The following CACNA2D1 variants were observed in gnomAD, a reference collection of about 807,000 sequenced individuals.
The protein encoded by CACNA2D1 is voltage-dependent calcium channel subunit alpha-2/delta-1.
CACNA2D1 carries 53 observed loss-of-function variants against 171.5 expected under a neutral mutation model. The ratio of observed to expected loss-of-function variants is 0.31; its 90% CI spans 0.25 to 0.39. The LOEUF (loss-of-function observed/expected upper bound fraction) is 0.39, where lower values mean the gene tolerates loss of function less well. CACNA2D1 is among the 10% of genes least tolerant of loss of function. CACNA2D1 has a pLI of 1.00. For synonymous variants in CACNA2D1, 442 were observed against 443.1 expected, an observed-to-expected ratio of 1.00 and a Z score of 0.03; for missense variants, 903 against 1,299.8, an observed-to-expected ratio of 0.69 and a Z score of 4.69.
chr7:82,096,883 G>C (rs13236099), intron 6 of CACNA2D1, among the ~76,000 whole-genome samples: 54,239 of 151,696 alleles, frequency 0.36, 10,058 homozygotes, highest in East Asian at 0.4. Flanking sequence ...AATAAGTTGT[G>C]ATCACTATTT....
At chr7:82,157,868 A>G (rs1249958935) in intron 4 of CACNA2D1, among the ~76,000 whole-genome samples, 1 of 152,042 alleles carries the variant, frequency 6.6e-6, no homozygotes, top group Non-Finnish European at 1.5e-5. Context: ...GATAAAATGT[A>G]TTAGATTTCA....
chr7:81,963,076 G>A (rs1453703919), intron 34 of CACNA2D1, among the ~76,000 whole-genome samples: 2 of 151,910 alleles, frequency 1.3e-5, no homozygotes, highest in Non-Finnish European at 2.9e-5. Flanking sequence ...TTAAAAAAAA[G>A]TGGGGGTGGG....
intron 3 of CACNA2D1, among the ~76,000 whole-genome samples, chr7:82,230,883 C>T (rs1454742332): frequency 6.6e-6 from 1 of 152,162 alleles, no homozygotes; most frequent in Non-Finnish European, 1.5e-5. Flanking sequence ...AAGGCTTGAA[C>T]TAAGCATGAC....
intron 1 of CACNA2D1, among the ~76,000 whole-genome samples, chr7:82,368,321 G>A (rs1821984309): frequency 6.6e-6 from 1 of 152,186 alleles, no homozygotes; most frequent in African/African-American, 2.4e-5. Context: ...CAAATTGTGT[G>A]GAAATATGCA....
intron 4 of CACNA2D1, among the ~76,000 whole-genome samples, chr7:82,167,228 A>G (rs1203926646): frequency 6.6e-6 from 1 of 152,130 alleles, no homozygotes; most frequent in Non-Finnish European, 1.5e-5. Context: ...TTGAAAGATG[A>G]TAAAATTTAT....
At chr7:82,141,394 A>C (rs1247859805) in intron 4 of CACNA2D1, among the ~76,000 whole-genome samples, 3 of 152,172 alleles carry the variant, frequency 2.0e-5, no homozygotes, top group Non-Finnish European at 4.4e-5. Context: ...AATGAAGTTA[A>C]ATGCCTTAAG....
At chr7:82,053,283 T>C (rs980434870) in intron 10 of CACNA2D1, among the ~76,000 whole-genome samples, 2 of 150,974 alleles carry the variant, frequency 1.3e-5, no homozygotes, top group Non-Finnish European at 3.0e-5. Context: ...AATAATTACC[T>C]ATCAATTATG....
intron 24 of CACNA2D1, among the ~76,000 whole-genome samples, chr7:81,980,412 A>G (rs1488479497): frequency 6.6e-6 from 1 of 152,084 alleles, no homozygotes; most frequent in Non-Finnish European, 1.5e-5. Context: ...ACAAAAATTT[A>G]TGTTTAAAAT....
At chr7:82,382,449 G>T (rs2129449523) in intron 1 of CACNA2D1, among the ~76,000 whole-genome samples, 1 of 152,294 alleles carries the variant, frequency 6.6e-6, no homozygotes, top group East Asian at 1.9e-4. Context: ...ATCTTGGGCT[G>T]TCCCATTCAC....
In CACNA2D1 at chr7:82,099,435, T is replaced by C. The variant is rs1453679121; in HGVS notation, c.527-14535A>G. Among the ~76,000 whole-genome samples, 40 of 10,104 alleles carry C rather than the reference T, an allele frequency of 4.0e-3. 1 individual carries two copies. Among genetic ancestry groups the C allele is most frequent in the East Asian group, 6.0e-3 (3 of 496 alleles). The allele number at this position is 10,104 out of a possible 152,430, so 6.6% of individuals were successfully genotyped here. On this transcript the variant is annotated intron_variant, in intron 6 of 38. Coordinates refer to ENST00000356860, the MANE Select transcript of CACNA2D1 (RefSeq NM_000722.4). ...TAGCAATACCTTCTTTTTTTTTTTT[T>C]TTTTTTTTTTTTTTTTTTTTTTTTT...
At chr7:82,240,793 C>T (rs1267519988) in intron 3 of CACNA2D1, among the ~76,000 whole-genome samples, 1 of 151,918 alleles carries the variant, frequency 6.6e-6, no homozygotes, top group East Asian at 1.9e-4. Context: ...ATGGTGAAAC[C>T]CTGTCTCTAC....
intron 7 of CACNA2D1, among the ~76,000 whole-genome samples, chr7:82,073,500 A>ACTAT (rs1343156441): frequency 6.6e-6 from 1 of 152,222 alleles, no homozygotes; most frequent in African/African-American, 2.4e-5. Context: ...GGTAAAATTC[A>ACTAT]CTATCTATTG....
intron 7 of CACNA2D1, among the ~76,000 whole-genome samples, chr7:82,082,143 C>T (rs79248634): frequency 1.1e-3 from 168 of 152,302 alleles, no homozygotes; most frequent in African/African-American, 3.8e-3. Flanking sequence ...CTCTGGCCCA[C>T]GGCTCTGGGG....
Position 81,995,067 on chromosome 7 carries a change from AG to A in CACNA2D1, c.1663-129del, listed in dbSNP as rs3214316. The A allele has an allele frequency of 9.2e-4, 541 of 587,124 alleles. 9 individuals carry two copies. The East Asian group carries it at 0.015, about 17-fold the overall frequency. The allele number at this position is 587,124 out of a possible 1,614,324, so 36.4% of individuals were successfully genotyped here. A position where few individuals can be genotyped will look rare whatever the true frequency, so the allele number is the denominator to read the frequency against. On this transcript the variant is annotated intron_variant, in intron 19 of 38. Coordinates refer to ENST00000356860, the MANE Select transcript of CACNA2D1 (RefSeq NM_000722.4). Reference sequence around the variant, plus strand: ...ACAAATAAAATAAAAATAGGGGGTTAGTTTTACCAGTATCTGCAGTTGTTCT... The same window carrying A: ...ACAAATAAAATAAAAATAGGGGGTTATTTTACCAGTATCTGCAGTTGTTCT...
At chr7:81,991,098 A>G (rs1327132966) in intron 21 of CACNA2D1, 87 bp downstream of exon 21, 1 of 752,854 alleles carries the variant, frequency 1.3e-6, no homozygotes, top group South Asian at 1.5e-5. Context: ...TTTTCTAGTG[A>G]AAATCACATG....
intron 3 of CACNA2D1, among the ~76,000 whole-genome samples, chr7:82,324,476 TAG>T (rs921107311): frequency 6.6e-6 from 1 of 151,586 alleles, no homozygotes; most frequent in Non-Finnish European, 1.5e-5. Context: ...CTGAGTGCGG[TAG>T]AGAGTATAGC....
intron 7 of CACNA2D1, among the ~76,000 whole-genome samples, chr7:82,078,332 G>A (rs1296346497): frequency 3.3e-5 from 5 of 152,126 alleles, no homozygotes; most frequent in Admixed American, 2.0e-4. Flanking sequence ...GCATTTCAAT[G>A]AACCACTGAT....
intron 3 of CACNA2D1, among the ~76,000 whole-genome samples, chr7:82,193,987 C>T (rs1344934712): frequency 6.6e-6 from 1 of 151,938 alleles, no homozygotes; most frequent in Non-Finnish European, 1.5e-5. Flanking sequence ...TGGAATCCCA[C>T]TATAATAATT....
chr7:82,399,525 A>T (rs1826118981), intron 1 of CACNA2D1, among the ~76,000 whole-genome samples: 1 of 152,166 alleles, frequency 6.6e-6, no homozygotes, highest in African/African-American at 2.4e-5. Context: ...TTTAGAAAAA[A>T]AGTTCTTAAC....
Sources: gnomAD v4.1 joint callset for allele counts (sites outside exome capture counted in the v4.1 genomes callset) on GRCh38, gnomAD v4.1.1 for gene constraint, MANE v1.5 for transcripts, NCBI Gene and HGNC (gene_info 2026-07-23, HGNC 2026-07-21) for gene names.